PLXNC1: variants seen among roughly 807,000 people sequenced by gnomAD.
The protein encoded by PLXNC1 is plexin-C1.
PLXNC1 carries 75 observed loss-of-function variants against 178.2 expected under a neutral mutation model. The observed-to-expected ratio is 0.42, with a 90% confidence interval of 0.35 to 0.51. PLXNC1 has a LOEUF of 0.51. Among genes scored for constraint, PLXNC1 ranks in the 20% least tolerant of loss-of-function variants. PLXNC1 has a pLI of 0.02. For missense variants in PLXNC1, 1,503 were observed against 1,984.4 expected, an observed-to-expected ratio of 0.76 and a Z score of 4.61; for synonymous variants, 790 against 779.9, an observed-to-expected ratio of 1.01 and a Z score of -0.22.
At chr12:94,291,134 A>T (rs1268034207) in intron 23 of PLXNC1, among the ~76,000 whole-genome samples, 4 of 152,248 alleles carry the variant, frequency 2.6e-5, no homozygotes, top group Admixed American at 2.6e-4. Flanking sequence ...AAAAGGTCTT[A>T]GGTGAGAACG....
intron 2 of PLXNC1, 77 bp downstream of exon 2, chr12:94,169,370 C>A: frequency 7.9e-7 from 1 of 1,260,584 alleles, no homozygotes; most frequent in South Asian, 1.3e-5. Flanking sequence ...TTTTTTAATG[C>A]TTCTGGGTTA....
At chr12:94,257,222 T>C (rs954815796) in intron 17 of PLXNC1, among the ~76,000 whole-genome samples, 4 of 152,126 alleles carry the variant, frequency 2.6e-5, no homozygotes, top group Non-Finnish European at 5.9e-5. Context: ...GCCTGGAGGT[T>C]GGGGGCTGTG....
Position 94,265,114 on chromosome 12 carries a change from G to T in PLXNC1, c.3486G>T (p.Thr1162=). ...TVGEPFYLLV[T]TLNQKINKGP... ...GAGAGCCCTTCTATTTGCTGGTGAC[G>T]ACTCTGAACCAGAAAATTAACAAGG... Residue 1162 remains threonine, a synonymous_variant, in exon 21 of 31, where the codon ACG becomes ACT. Coordinates refer to ENST00000258526, the MANE Select transcript of PLXNC1 (RefSeq NM_005761.3). The T allele has an allele frequency of 6.2e-7, 1 of 1,614,098 alleles. No individual in the cohort carries two copies. The highest frequency in any genetic ancestry group is 8.5e-7 in the Non-Finnish European group (1 of 1,179,976).
At chr12:94,282,185 C>T in intron 22 of PLXNC1, 113 bp from the exon 23 acceptor site, 1 of 721,536 alleles carries the variant, frequency 1.4e-6, no homozygotes, top group Non-Finnish European at 2.4e-6. Context: ...CATCTCTACA[C>T]CTTCAAACAA....
intron 4 of PLXNC1, among the ~76,000 whole-genome samples, chr12:94,194,480 C>T (rs1054139849): frequency 3.9e-5 from 6 of 152,130 alleles, no homozygotes; most frequent in Admixed American, 2.0e-4. Flanking sequence ...GCTGGGATTA[C>T]AGGCACATAA....
At chr12:94,157,014 C>G (rs1961200054) in intron 1 of PLXNC1, among the ~76,000 whole-genome samples, 1 of 152,176 alleles carries the variant, frequency 6.6e-6, no homozygotes, top group South Asian at 2.1e-4. Context: ...CACTGTACAT[C>G]TTAACAGCCT....
intron 3 of PLXNC1, among the ~76,000 whole-genome samples, chr12:94,181,991 A>C (rs1962325655): frequency 6.6e-6 from 1 of 152,120 alleles, no homozygotes; most frequent in South Asian, 2.1e-4. Context: ...ACATTCATGA[A>C]CCAGGAAATA....
chr12:94,199,618 TCTACCTC>T (rs1450666720), intron 4 of PLXNC1, among the ~76,000 whole-genome samples: 1 of 152,206 alleles, frequency 6.6e-6, no homozygotes, highest in African/African-American at 2.4e-5. Context: ...CTGTGGGTTC[TCTACCTC>T]CTTTTTCAGC....
chr12:94,248,526 A>G (rs769128857), intron 14 of PLXNC1, 114 bp downstream of exon 14: 1 of 856,428 alleles, frequency 1.2e-6, no homozygotes, highest in Non-Finnish European at 1.8e-6. Context: ...CTCACTTTAA[A>G]TAGAAGATAA....
At chr12:94,246,221 T>G (rs190533616) in intron 12 of PLXNC1, among the ~76,000 whole-genome samples, 58 of 152,278 alleles carry the variant, frequency 3.8e-4, no homozygotes, top group African/African-American at 1.3e-3. Context: ...CAGCTGAGTT[T>G]GGAGAGGCAG....
At chr12:94,204,155 A>C (rs976666013) in intron 4 of PLXNC1, among the ~76,000 whole-genome samples, 2 of 152,306 alleles carry the variant, frequency 1.3e-5, no homozygotes, top group East Asian at 1.9e-4. Flanking sequence ...CACAAAACAG[A>C]CTAAGACAGA....
intron 9 of PLXNC1, among the ~76,000 whole-genome samples, chr12:94,230,391 C>T (rs1486636866): frequency 3.9e-5 from 6 of 152,132 alleles, no homozygotes; most frequent in African/African-American, 1.2e-4. Flanking sequence ...CAGTGTATCT[C>T]TCTGCACCCT....
chr12:94,157,321 C>G (rs1961212795), intron 1 of PLXNC1, among the ~76,000 whole-genome samples: 1 of 152,150 alleles, frequency 6.6e-6, no homozygotes, highest in South Asian at 2.1e-4. Flanking sequence ...AGTGTCAAAT[C>G]TGCCTCCCTT....
At chr12:94,254,193 A>G (rs1446222265) in intron 15 of PLXNC1, among the ~76,000 whole-genome samples, 2 of 152,260 alleles carry the variant, frequency 1.3e-5, no homozygotes, top group African/African-American at 4.8e-5. Context: ...TAAATGGCAG[A>G]GCAAGGACAT....
chr12:94,295,653 G>A (rs1334614507), intron 24 of PLXNC1, among the ~76,000 whole-genome samples: 2 of 152,048 alleles, frequency 1.3e-5, no homozygotes, highest in East Asian at 1.9e-4. Flanking sequence ...AAATCCCAAC[G>A]CTGGATGAAC....
intron 9 of PLXNC1, among the ~76,000 whole-genome samples, chr12:94,236,290 G>A (rs1012552130): frequency 1.3e-5 from 2 of 152,210 alleles, no homozygotes; most frequent in African/African-American, 4.8e-5. Flanking sequence ...AGTCCAAAGC[G>A]CTGATGAGTG....
intron 1 of PLXNC1, among the ~76,000 whole-genome samples, chr12:94,153,664 A>C (rs1961044686): frequency 6.6e-6 from 1 of 152,148 alleles, no homozygotes; most frequent in Non-Finnish European, 1.5e-5. Flanking sequence ...GTAGACATTG[A>C]GGGTAGTACG....
chr12:94,179,462 C>T (rs1962221981), intron 2 of PLXNC1, among the ~76,000 whole-genome samples: 1 of 152,148 alleles, frequency 6.6e-6, no homozygotes, highest in South Asian at 2.1e-4. Flanking sequence ...GGTCCCAGGC[C>T]AGGCACGGTG....
chr12:94,242,026 A>G (rs1393993739), intron 11 of PLXNC1, among the ~76,000 whole-genome samples: 1 of 151,830 alleles, frequency 6.6e-6, no homozygotes, highest in East Asian at 1.9e-4. Flanking sequence ...GAAGAGAAAG[A>G]GGAAAAAAAG....
Sources: allele counts gnomAD v4.1 joint callset (sites outside exome capture counted in the v4.1 genomes callset), GRCh38; gene constraint gnomAD v4.1.1; transcripts MANE v1.5; gene names NCBI Gene and HGNC (gene_info 2026-07-23, HGNC 2026-07-21).